The following EIF2AK1 variants were observed in gnomAD, a reference collection of about 807,000 sequenced individuals.
EIF2AK1 encodes eukaryotic translation initiation factor 2 alpha kinase 1, also known as eukaryotic translation initiation factor 2-alpha kinase 1.
Under a neutral mutation model 77.9 loss-of-function variants are expected in EIF2AK1, and 54 were observed. The ratio of observed to expected loss-of-function variants is 0.69; its 90% CI spans 0.56 to 0.87. The LOEUF is 0.87. Ranked by LOEUF, EIF2AK1 falls within the 40% of genes least tolerant of loss-of-function variation. The pLI is 0.00. For synonymous variants in EIF2AK1, 314 were observed against 290.5 expected (o/e 1.08, Z -0.82); for missense variants, 810 against 768.6 (o/e 1.05, Z -0.64).
intron 13 of EIF2AK1, chr7:6,028,038 G>A (rs1293730343): frequency 7.1e-6 from 3 of 421,890 alleles, no homozygotes; most frequent in East Asian, 1.5e-4. Context: ...AATCCAACCT[G>A]GGCAACAGAG....
At chr7:6,031,388 A>T in intron 11 of EIF2AK1, 2 of 1,550,766 alleles carry the variant, frequency 1.3e-6, no homozygotes, top group Non-Finnish European at 8.7e-7. Context: ...GGGGAATATA[A>T]CCAGGAAAGG....
rs1270746869 is a variant in EIF2AK1 at position 6,050,003 on chromosome 7, AAAG to A, written c.317_319del (p.Ser106del). The A allele has an allele frequency of 6.2e-7, 1 of 1,612,822 alleles. No homozygotes were observed. Among genetic ancestry groups the A allele is most frequent in the Non-Finnish European group, 8.5e-7 (1 of 1,179,534 alleles). ...TGAGCTAAACTCGTCACTACAAGTG[AAAG>A]AAGACAGCAGCCCCATTTTGATAAA... On this transcript the variant is annotated inframe_deletion, in exon 3 of 15. Transcript: ENST00000199389.
chr7:6,044,769 G>T (rs1788398975), intron 6 of EIF2AK1, 108 bp from the exon 7 acceptor site: 3 of 860,814 alleles, frequency 3.5e-6, no homozygotes, highest in African/African-American at 1.7e-5. Context: ...ACTTACAATG[G>T]TATGAAGACA....
intron 9 of EIF2AK1, among the ~76,000 whole-genome samples, chr7:6,039,493 G>A (rs183481466): frequency 1.1e-3 from 169 of 152,056 alleles, no homozygotes; most frequent in African/African-American, 3.6e-3. Flanking sequence ...GTAGTGGCGC[G>A]TGCCTGTAAT....
intron 2 of EIF2AK1, among the ~76,000 whole-genome samples, chr7:6,052,661 C>A (rs1788640479): frequency 7.3e-6 from 1 of 136,700 alleles, no homozygotes; most frequent in South Asian, 2.3e-4. Context: ...TCTCTAGAGG[C>A]AGAGTCTTAC....
chr7:6,035,712 A>G lies in EIF2AK1; in HGVS notation c.1332+1712T>C. 1.3e-6 allele frequency: 2 copies of G among 1,550,892 alleles called. No individual in the cohort carries two copies. Among genetic ancestry groups the G allele is most frequent in the Non-Finnish European group, 1.7e-6 (2 of 1,147,088 alleles). On this transcript the variant is annotated intron_variant, in intron 11 of 14. Coordinates refer to ENST00000199389, the MANE Select transcript of EIF2AK1 (RefSeq NM_014413.4). This position sits in a 1 kb window ranked among gnomAD's most constrained non-coding sequence, Gnocchi z 5.5. The stretch of plus-strand genomic sequence containing the variant: ...TTTGACCCAAAATGGTGCCGATGTC[A>G]ATGCTATTAATGAAGCCAGCATGAC...
In EIF2AK1 at chr7:6,032,989, G is replaced by A; in HGVS notation, c.1333-3957C>T. On this transcript the variant is annotated intron_variant, in intron 11 of 14. Coordinates refer to ENST00000199389, the MANE Select transcript of EIF2AK1 (RefSeq NM_014413.4). This position sits in a 1 kb window ranked among gnomAD's most constrained non-coding sequence, Gnocchi z 4.3. Reference sequence around the variant, plus strand: ...CTTTTTTTTTCTTTTTTGTTTTGAGGCAGGGGTCTCGCTCTGTTGCCCAGG... The same window carrying A: ...CTTTTTTTTTCTTTTTTGTTTTGAGACAGGGGTCTCGCTCTGTTGCCCAGG... 5 of 1,462,944 alleles carry A rather than the reference G, an allele frequency of 3.4e-6. No homozygotes were observed. The highest frequency in any genetic ancestry group is 4.6e-6 in the Non-Finnish European group (5 of 1,076,220). 90.6% of individuals were successfully genotyped at this position (1,462,944 alleles called of 1,614,324 possible).
chr7:6,035,026 C>T lies in EIF2AK1; in HGVS notation c.1332+2398G>A, dbSNP rs1032218155. Among the ~76,000 whole-genome samples, 1 of 152,154 alleles carries T rather than the reference C, an allele frequency of 6.6e-6. No individual in the cohort carries two copies. Among genetic ancestry groups the T allele is most frequent in the Admixed American group, 6.5e-5 (1 of 15,268 alleles). Reference sequence around the variant, plus strand: ...TCACACTCAAGTCCACACAATTTCACAGAAAGCCAGTAACCCAGCCCAGCA... The same window carrying T: ...TCACACTCAAGTCCACACAATTTCATAGAAAGCCAGTAACCCAGCCCAGCA... On this transcript the variant is annotated intron_variant, in intron 11 of 14. Coordinates refer to ENST00000199389, the MANE Select transcript of EIF2AK1 (RefSeq NM_014413.4). This position sits in a 1 kb window ranked among gnomAD's most constrained non-coding sequence, Gnocchi z 5.5.
rs1787957494 is a variant in EIF2AK1, at chr7:6,032,888, C to A, written c.1333-3856G>T. 6.4e-7 allele frequency: 1 copy of A among 1,550,974 alleles called. No individual in the cohort carries two copies. Among genetic ancestry groups the A allele is most frequent in the Admixed American group, 2.0e-5 (1 of 50,982 alleles). On this transcript the variant is annotated intron_variant, in intron 11 of 14. Coordinates refer to ENST00000199389, the MANE Select transcript of EIF2AK1 (RefSeq NM_014413.4). The surrounding 1 kb of genome is among the most constrained non-coding windows in gnomAD (Gnocchi z 4.3). ...CATCTGGCTGCCAAGTACCACAAGG[C>A]CCAGAGTCTGCTCTGCCTGTTACGG...
In EIF2AK1 at chr7:6,059,139, C is replaced by G. The variant is rs534255780; in HGVS notation, c.-56G>C. On this transcript the variant is annotated 5_prime_UTR_variant, in exon 1 of 15. Coordinates refer to ENST00000199389, the MANE Select transcript of EIF2AK1 (RefSeq NM_014413.4). The stretch of plus-strand genomic sequence containing the variant: ...CGCCGGCCAGCCCAGCACTGCCACA[C>G]TCCGATGCTGCAGCTAGCGCCGTCC... 31 of 1,174,996 alleles carry G rather than the reference C, an allele frequency of 2.6e-5. No homozygotes were observed. The highest frequency in any genetic ancestry group is 6.5e-5 in the African/African-American group (4 of 61,728). The allele number at this position is 1,174,996 out of a possible 1,614,324, so 72.8% of individuals were successfully genotyped here.
In EIF2AK1 at chr7:6,025,035, C is replaced by T. The variant is rs764224662; in HGVS notation, c.1765-234G>A. On this transcript the variant is annotated intron_variant, in intron 14 of 14. Coordinates refer to ENST00000199389, the MANE Select transcript of EIF2AK1 (RefSeq NM_014413.4). ...TGTATTTTTAGTAGAGATGAGGTTT[C>T]GCCATGTTGGCCAGGCCGGTCTCAA... Among the ~76,000 whole-genome samples, 35 of 151,898 alleles carry T rather than the reference C, an allele frequency of 2.3e-4. 1 individual carries two copies. The highest frequency in any genetic ancestry group is 3.9e-4 in the African/African-American group (16 of 41,376).
rs1464533398 is a variant in EIF2AK1 at position 6,032,983 on chromosome 7, T to G, written c.1333-3951A>C. The G allele has an allele frequency of 6.7e-7, 1 of 1,493,306 alleles. No homozygotes were observed. The allele number at this position is 1,493,306 out of a possible 1,614,324, so 92.5% of individuals were successfully genotyped here. On this transcript the variant is annotated intron_variant, in intron 11 of 14. Transcript: ENST00000199389. This position sits in a 1 kb window ranked among gnomAD's most constrained non-coding sequence, Gnocchi z 4.3. Reference sequence around the variant, plus strand: ...TCATTTCTTTTTTTTTCTTTTTTGTTTTGAGGCAGGGGTCTCGCTCTGTTG... The same window carrying G: ...TCATTTCTTTTTTTTTCTTTTTTGTGTTGAGGCAGGGGTCTCGCTCTGTTG...
intron 2 of EIF2AK1, among the ~76,000 whole-genome samples, chr7:6,052,343 C>T (rs73675814): frequency 0.036 from 5,465 of 151,766 alleles, 336 homozygotes; most frequent in African/African-American, 0.13. Context: ...GTCACCAATG[C>T]TTCAGAACCT....
Position 6,040,946 on chromosome 7 carries a change from G to C in EIF2AK1, c.1065C>G (p.Phe355Leu). Reference sequence around the variant, plus strand: ...CTTCGGAAGATTCTTCGGTGGATGTGAAACTCTCCTCTAGGTGGGAATTAC... The same window carrying C: ...CTTCGGAAGATTCTTCGGTGGATGTCAAACTCTCCTCTAGGTGGGAATTAC... ...LRRNSHLEES[F>L]TSTEESSEEN... is the part of the protein sequence containing the mutation. Residue 355 changes from phenylalanine (F) to leucine (L), a missense_variant, in exon 9 of 15, where the codon TTC (phenylalanine) becomes TTG (leucine). Around this residue, in one of 3 missense-constraint regions of EIF2AK1, gnomAD observed 549 missense variants for 533.7 expected, o/e 1.03. Coordinates refer to ENST00000199389, the MANE Select transcript of EIF2AK1 (RefSeq NM_014413.4). The C allele has an allele frequency of 1.2e-6, 2 of 1,614,166 alleles. No homozygotes were observed. Among genetic ancestry groups the C allele is most frequent in the Non-Finnish European group, 1.7e-6 (2 of 1,180,032 alleles).
chr7:6,044,869 T>G (rs1342131699), intron 6 of EIF2AK1, among the ~76,000 whole-genome samples: 1 of 152,208 alleles, frequency 6.6e-6, no homozygotes, highest in African/African-American at 2.4e-5. Flanking sequence ...TTATAAAATA[T>G]GCTTTGTGCT....
chr7:6,044,052 T>C (rs572546420), intron 7 of EIF2AK1, among the ~76,000 whole-genome samples: 101 of 151,200 alleles, frequency 6.7e-4, no homozygotes, highest in Non-Finnish European at 1.1e-3. Context: ...TGAGCAAAGA[T>C]CGCGCCACTA....
chr7:6,023,435 G>A lies in EIF2AK1; in HGVS notation c.*1238C>T. 1.2e-6 allele frequency: 2 copies of A among 1,614,208 alleles called. No homozygotes were observed. The highest frequency in any genetic ancestry group is 1.7e-6 in the Non-Finnish European group (2 of 1,180,030). ...GTCAACGCAACCCTTATAGATAGCT[G>A]GGTAGATATTGCGATTTTTCAGTTA... On this transcript the variant is annotated 3_prime_UTR_variant, in exon 15 of 15. Transcript: ENST00000199389.
In EIF2AK1 at chr7:6,027,139, A is replaced by C. The variant is rs1787770272; in HGVS notation, c.1531-178T>G. ...CAGTGACAGGGACTTTCACAACCTC[A>C]AAAAGGGGCATCCGTGGGCACGCAG... On this transcript the variant is annotated intron_variant, in intron 13 of 14. Transcript: ENST00000199389. The surrounding 1 kb of genome is among the most constrained non-coding windows in gnomAD (Gnocchi z 4.5). 6.6e-6 allele frequency among the ~76,000 whole-genome samples: 1 copy of C among 152,218 alleles called. No homozygotes were observed. The highest frequency in any genetic ancestry group is 2.4e-5 in the African/African-American group (1 of 41,452).
Position 6,046,109 on chromosome 7 carries a change from T to C in EIF2AK1, c.592A>G (p.Ile198Val). The change falls in exon 6 of 15, where the codon ATC (isoleucine) becomes GTC (valine). Residue 198 changes from isoleucine (I) to valine (V), a missense_variant. Transcript: ENST00000199389. ...GTTTTAGTTGCACCCTTAATCAGGA[T>C]TTTTTTTATTGCATAATACTGACCA... is the stretch of plus-strand genomic sequence containing the variant. ...LDGQYYAIKKILIKGATKTVC... is the reference protein window; with the variant it reads ...LDGQYYAIKKVLIKGATKTVC... 6.4e-7 allele frequency: 1 copy of C among 1,562,818 alleles called. No individual in the cohort carries two copies. Among genetic ancestry groups the C allele is most frequent in the Non-Finnish European group, 8.7e-7 (1 of 1,155,208 alleles).
Sources: gnomAD v4.1 joint callset for allele counts (sites outside exome capture counted in the v4.1 genomes callset) on GRCh38, gnomAD v4.1.1 for gene constraint, gnomAD v4.1.1 regional missense constraint, Gnocchi (gnomAD v3.1) non-coding constraint, MANE v1.5 for transcripts, NCBI Gene and HGNC (gene_info 2026-07-23, HGNC 2026-07-21) for gene names.